VPS13B: variants seen among roughly 807,000 people sequenced by gnomAD.
The protein encoded by VPS13B is intermembrane lipid transfer protein VPS13B.
VPS13B carries 285 observed loss-of-function variants against 426.4 expected under a neutral mutation model. The observed-to-expected ratio is 0.67, with a 90% CI of 0.61 to 0.74. The LOEUF (loss-of-function observed/expected upper bound fraction) is 0.74, where lower values mean the gene tolerates loss of function less well. Ranked by LOEUF, VPS13B falls within the 30% of genes least tolerant of loss-of-function variation. The probability of loss-of-function intolerance (pLI) is 0.00; values close to 1 mark genes in which losing one functional copy is unlikely to be tolerated. For missense variants in VPS13B, 4,537 were observed against 4,782.6 expected (o/e 0.95, Z 1.51); for synonymous variants, 1,676 against 1,676.4 (o/e 1.00, Z 0.01).
At chr8:99,690,114 G>A (rs183339775) in intron 35 of VPS13B, among the ~76,000 whole-genome samples, 1 of 152,122 alleles carries the variant, frequency 6.6e-6, no homozygotes, top group Non-Finnish European at 1.5e-5. Context: ...AGAGGCAAAT[G>A]TGTGAGTCAT....
chr8:99,778,312 CTCTT>C (rs1279547695), intron 41 of VPS13B, among the ~76,000 whole-genome samples: 2 of 150,774 alleles, frequency 1.3e-5, no homozygotes, highest in Non-Finnish European at 2.9e-5. Flanking sequence ...TTCTCTAACT[CTCTT>C]TGAGTCATGT....
At chr8:99,431,787 A>AAT (rs1817125836) in intron 22 of VPS13B, 123 bp downstream of exon 22, 1 of 1,041,176 alleles carries the variant, frequency 9.6e-7, no homozygotes, top group African/African-American at 1.6e-5. Context: ...TCATTTTCTT[A>AAT]ATTTAGTTGA....
At position 99,517,971 on chromosome 8, in the gene VPS13B, A is replaced by T. The variant is rs542031469; in HGVS notation, c.4634-2928A>T. On this transcript the variant is annotated intron_variant, in intron 29 of 61. Transcript: ENST00000357162. ...TATTTTGATAAGTTGAATACTTTCT[A>T]TAATAAAATTAATTATTTTAATCTA... Among the ~76,000 whole-genome samples, 3 of 151,964 alleles carry T rather than the reference A, an allele frequency of 2.0e-5. No individual in the cohort carries two copies. The East Asian group carries it at 5.8e-4, about 29-fold the overall frequency.
At chr8:99,248,883 C>T (rs912773419) in intron 17 of VPS13B, among the ~76,000 whole-genome samples, 1 of 152,134 alleles carries the variant, frequency 6.6e-6, no homozygotes, top group Non-Finnish European at 1.5e-5. Flanking sequence ...CCCACTTCCC[C>T]TTATTAGGTG....
At chr8:99,128,117 A>C (rs972965603) in intron 8 of VPS13B, among the ~76,000 whole-genome samples, 1 of 152,048 alleles carries the variant, frequency 6.6e-6, no homozygotes, top group African/African-American at 2.4e-5. Flanking sequence ...TGGGCTGGGC[A>C]TGATGGCTCA....
chr8:99,295,081 A>T (rs111441412), intron 19 of VPS13B, among the ~76,000 whole-genome samples: 1,771 of 152,294 alleles, frequency 0.012, 45 homozygotes, highest in African/African-American at 0.041. Context: ...TGCTAGTGAC[A>T]TACTGAGATT....
At chr8:99,703,062 A>G (rs896825521) in intron 36 of VPS13B, among the ~76,000 whole-genome samples, 5 of 152,192 alleles carry the variant, frequency 3.3e-5, no homozygotes, top group Non-Finnish European at 7.4e-5. Context: ...AATATGATCA[A>G]AAGTGGTAAG....
chr8:99,081,189 G>A (rs1845434074), intron 3 of VPS13B, among the ~76,000 whole-genome samples: 1 of 152,188 alleles, frequency 6.6e-6, no homozygotes, highest in Non-Finnish European at 1.5e-5. Flanking sequence ...ATCCTTACAT[G>A]ACAATTTTCA....
intron 19 of VPS13B, among the ~76,000 whole-genome samples, chr8:99,306,039 A>G (rs189197428): frequency 4.3e-4 from 65 of 152,246 alleles, no homozygotes; most frequent in African/African-American, 1.3e-3. Flanking sequence ...GACTATTAAG[A>G]CAAAAGTTTT....
chr8:99,562,922 A>C (rs773627475), intron 31 of VPS13B, among the ~76,000 whole-genome samples: 10 of 152,178 alleles, frequency 6.6e-5, no homozygotes, highest in Non-Finnish European at 1.3e-4. Flanking sequence ...TGAGAGGCCA[A>C]AGCGGGAGGA....
intron 17 of VPS13B, among the ~76,000 whole-genome samples, chr8:99,203,343 G>A (rs1266311675): frequency 6.6e-6 from 1 of 152,084 alleles, no homozygotes; most frequent in Non-Finnish European, 1.5e-5. Flanking sequence ...CAATAAACTA[G>A]GTATTGATGG....
intron 17 of VPS13B, among the ~76,000 whole-genome samples, chr8:99,238,015 C>T (rs1335625373): frequency 1.3e-5 from 2 of 152,010 alleles, no homozygotes; most frequent in Non-Finnish European, 2.9e-5. Flanking sequence ...GGCCTCTAGG[C>T]AGTCCCAGTT....
intron 17 of VPS13B, among the ~76,000 whole-genome samples, chr8:99,203,162 C>T (rs1588137542): frequency 1.3e-5 from 2 of 152,132 alleles, no homozygotes; most frequent in Admixed American, 1.3e-4. Context: ...AGCTTATCCA[C>T]GACGATCAAG....
intron 3 of VPS13B, among the ~76,000 whole-genome samples, chr8:99,088,236 C>A (rs971126509): frequency 6.8e-6 from 1 of 147,620 alleles, no homozygotes; most frequent in Non-Finnish European, 1.5e-5. Flanking sequence ...AATATCAGAT[C>A]TTAAAAAAAA....
chr8:99,729,451 T>C (rs1382137528), intron 39 of VPS13B, among the ~76,000 whole-genome samples: 1 of 152,198 alleles, frequency 6.6e-6, no homozygotes, highest in Non-Finnish European at 1.5e-5. Context: ...TCTCAAAATG[T>C]AGGTTAGGCA....
At chr8:99,023,091 T>C (rs1841976525) in intron 2 of VPS13B, among the ~76,000 whole-genome samples, 1 of 151,814 alleles carries the variant, frequency 6.6e-6, no homozygotes, top group Non-Finnish European at 1.5e-5. Context: ...TGGGCTCAGG[T>C]GATTCTCTTG....
Position 99,226,234 on chromosome 8 carries a change from C to CT in VPS13B, c.2515+33178dup, listed in dbSNP as rs568665176. Among the ~76,000 whole-genome samples the CT allele has an allele frequency of 2.0e-5, 3 of 152,300 alleles. No individual in the cohort carries two copies. The South Asian group carries it at 6.2e-4, about 32-fold the overall frequency. On this transcript the variant is annotated intron_variant, in intron 17 of 61. Transcript: ENST00000357162. ...TACCTCCTTGCTGTTGCACATGCTA[C>CT]TGCATCTTCCTGCAAAATCTTCCCT...
intron 19 of VPS13B, among the ~76,000 whole-genome samples, chr8:99,376,000 C>T (rs1024111218): frequency 3.9e-5 from 6 of 152,270 alleles, no homozygotes; most frequent in African/African-American, 1.4e-4. Flanking sequence ...CATCTTCGGT[C>T]TCTAACTCTT....
chr8:99,828,421 T>G lies in VPS13B; in HGVS notation c.9331-3948T>G, dbSNP rs1286841794. ...TTTTTTTTTTTTTTTTTTTTTTTTT[T>G]TTTTTTTTTTTTTGCTTTCCATGTG... is the stretch of plus-strand genomic sequence containing the variant. On this transcript the variant is annotated intron_variant, in intron 51 of 61. Transcript: ENST00000357162. 7.1e-4 allele frequency among the ~76,000 whole-genome samples: 69 copies of G among 97,316 alleles called. 5 individuals are homozygous for G. The highest frequency in any genetic ancestry group is 2.3e-3 in the African/African-American group (60 of 26,656). The allele number at this position is 97,316 out of a possible 152,430, so 63.8% of individuals were successfully genotyped here. A position where few individuals can be genotyped will look rare whatever the true frequency, so the allele number is the denominator to read the frequency against.
Sources: allele counts gnomAD v4.1 joint callset (sites outside exome capture counted in the v4.1 genomes callset), GRCh38; gene constraint gnomAD v4.1.1; transcripts MANE v1.5; gene names NCBI Gene and HGNC (gene_info 2026-07-23, HGNC 2026-07-21).